Variants in LINGO2 observed in about 807,000 individuals in gnomAD.
LINGO2 encodes the protein leucine rich repeat and Ig domain containing 2, also known as leucine-rich repeat and immunoglobulin-like domain-containing nogo receptor-interacting protein 2.
Under a neutral mutation model 30.6 loss-of-function variants are expected in LINGO2, and 14 were observed. The observed-to-expected ratio is 0.46, with a 90% CI of 0.30 to 0.72. LINGO2 has a LOEUF of 0.72. LINGO2 is among the 30% of genes least tolerant of loss of function. The probability of loss-of-function intolerance (pLI) is 0.07; values close to 1 mark genes in which losing one functional copy is unlikely to be tolerated. For missense variants in LINGO2, 729 were observed against 751.7 expected (o/e 0.97, Z 0.35); for synonymous variants, 317 against 288.5 (o/e 1.10, Z -1.00).
chr9:28,495,393 A>G (rs1220228720), intron 1 of LINGO2, among the ~76,000 whole-genome samples: 1 of 152,314 alleles, frequency 6.6e-6, no homozygotes, highest in East Asian at 1.9e-4. Context: ...TAACTTTCGT[A>G]TAAGGTATAA....
chr9:28,542,866 G>A (rs1232233967), intron 1 of LINGO2, among the ~76,000 whole-genome samples: 1 of 151,998 alleles, frequency 6.6e-6, no homozygotes, highest in African/African-American at 2.4e-5. Context: ...CATGCCTAAA[G>A]CTTCAGTAAA....
intron 5 of LINGO2, among the ~76,000 whole-genome samples, chr9:27,998,641 C>T (rs775968204): frequency 3.0e-4 from 45 of 152,110 alleles, no homozygotes; most frequent in Non-Finnish European, 4.7e-4. Context: ...AGTAGCTGTG[C>T]GTGGTGGCAG....
chr9:28,418,275 C>CTTTTTTTT (rs3064826), intron 2 of LINGO2, among the ~76,000 whole-genome samples: 7 of 106,740 alleles, frequency 6.6e-5, no homozygotes, highest in Admixed American at 2.2e-4. Flanking sequence ...AGGCCATGTA[C>CTTTTTTTT]TTTTTTTTTT....
the LINGO2 span, among the ~76,000 whole-genome samples, chr9:28,735,936 G>T: frequency 6.6e-6 from 1 of 152,118 alleles, no homozygotes; most frequent in East Asian, 1.9e-4. Context: ...TGTTATTTTT[G>T]TTATCCTCAG....
chr9:28,270,248 T>G (rs1822893859), intron 4 of LINGO2, among the ~76,000 whole-genome samples: 2 of 152,120 alleles, frequency 1.3e-5, no homozygotes, highest in South Asian at 4.1e-4. Flanking sequence ...AGTCAGCCTG[T>G]GGGGTGATAG....
chr9:28,054,248 T>TAAGGG, intron 4 of LINGO2, among the ~76,000 whole-genome samples: 1 of 152,094 alleles, frequency 6.6e-6, no homozygotes, highest in African/African-American at 2.4e-5. Context: ...TGGGAGCCCT[T>TAAGGG]CTCTCACCTT....
intron 1 of LINGO2, among the ~76,000 whole-genome samples, chr9:28,582,189 T>C (rs1006470770): frequency 9.9e-5 from 15 of 152,072 alleles, no homozygotes; most frequent in African/African-American, 3.6e-4. Flanking sequence ...AAATCATGCT[T>C]CCACAAGTAA....
At chr9:28,867,273 A>T in the LINGO2 span, among the ~76,000 whole-genome samples, 6 of 152,152 alleles carry the variant, frequency 3.9e-5, no homozygotes, top group Non-Finnish European at 8.8e-5. Flanking sequence ...TAAAAATAGA[A>T]CAGGAAATGA....
At chr9:27,939,726 C>T in the LINGO2 span, 1 of 152,138 alleles carries the variant, frequency 6.6e-6, no homozygotes, top group Non-Finnish European at 1.5e-5. Context: ...CAGCTAATAG[C>T]CCATGGCTAA....
the LINGO2 span, among the ~76,000 whole-genome samples, chr9:28,954,158 T>C: frequency 6.6e-6 from 1 of 152,162 alleles, no homozygotes; most frequent in African/African-American, 2.4e-5. Flanking sequence ...TTCCTTGAAG[T>C]TACAAGATCA....
chr9:28,543,141 A>T (rs1182046953), intron 1 of LINGO2, among the ~76,000 whole-genome samples: 2 of 152,114 alleles, frequency 1.3e-5, no homozygotes, highest in Non-Finnish European at 2.9e-5. Flanking sequence ...GCATATAAAG[A>T]CAGTAGGGAA....
At chr9:28,249,733 C>T (rs1822128039) in intron 4 of LINGO2, among the ~76,000 whole-genome samples, 3 of 152,092 alleles carry the variant, frequency 2.0e-5, no homozygotes, top group African/African-American at 7.2e-5. Context: ...TTACTGTTCT[C>T]ATTAAAGGAA....
chr9:28,240,929 G>A (rs569322276), intron 4 of LINGO2, among the ~76,000 whole-genome samples: 35 of 152,076 alleles, frequency 2.3e-4, no homozygotes, highest in Non-Finnish European at 4.6e-4. Context: ...CTACCCATCC[G>A]ACAAGGGATT....
At chr9:28,118,779 A>G (rs1319912246) in intron 4 of LINGO2, among the ~76,000 whole-genome samples, 3 of 152,224 alleles carry the variant, frequency 2.0e-5, no homozygotes, top group African/African-American at 7.2e-5. Context: ...TCTTACTAGT[A>G]TATGAAGTCT....
the LINGO2 span, among the ~76,000 whole-genome samples, chr9:29,060,560 A>T: frequency 6.6e-6 from 1 of 152,118 alleles, no homozygotes; most frequent in South Asian, 2.1e-4. Flanking sequence ...TTCATTGAAG[A>T]TAACTCACAT....
chr9:28,637,660 C>G (rs948954375), intron 1 of LINGO2, among the ~76,000 whole-genome samples: 3 of 152,058 alleles, frequency 2.0e-5, no homozygotes, highest in African/African-American at 4.8e-5. Flanking sequence ...GTGATTTTTG[C>G]ACATTGATTT....
At chr9:28,874,208 A>G in the LINGO2 span, among the ~76,000 whole-genome samples, 9 of 152,156 alleles carry the variant, frequency 5.9e-5, no homozygotes, top group East Asian at 1.7e-3. Flanking sequence ...GTTTACTTTT[A>G]AAAGCCAATA....
the LINGO2 span, among the ~76,000 whole-genome samples, chr9:29,111,451 G>A: frequency 6.6e-6 from 1 of 151,688 alleles, no homozygotes. Flanking sequence ...CATTAAAAAC[G>A]ATGCAAAAGT....
chr9:28,395,703 G>A (rs991228067), intron 2 of LINGO2, among the ~76,000 whole-genome samples: 5 of 152,114 alleles, frequency 3.3e-5, no homozygotes, highest in Admixed American at 6.5e-5. Flanking sequence ...ATAGTATAAA[G>A]TTGAATGAAA....
Sources: gnomAD v4.1 joint callset for allele counts (sites outside exome capture counted in the v4.1 genomes callset) on GRCh38, gnomAD v4.1.1 for gene constraint, MANE v1.5 for transcripts, NCBI Gene and HGNC (gene_info 2026-07-23, HGNC 2026-07-21) for gene names.